KDM4B: variants seen among roughly 807,000 people sequenced by gnomAD.
The protein encoded by KDM4B is lysine-specific demethylase 4B.
A neutral mutation model predicts 125.2 loss-of-function variants in KDM4B; 32 were observed. The ratio of observed to expected loss-of-function variants is 0.26; its 90% CI spans 0.19 to 0.34. KDM4B has a LOEUF of 0.34. Among genes scored for constraint, KDM4B ranks in the 10% least tolerant of loss-of-function variants. KDM4B has a pLI of 1.00. For synonymous variants in KDM4B, 721 were observed against 677.9 expected, an observed-to-expected ratio of 1.06 and a Z score of -0.99; for missense variants, 1,190 against 1,577.7, an observed-to-expected ratio of 0.75 and a Z score of 4.16.
At chr19:4,986,133 G>A (rs2034822574) in intron 1 of KDM4B, among the ~76,000 whole-genome samples, 1 of 152,252 alleles carries the variant, frequency 6.6e-6, no homozygotes, top group African/African-American at 2.4e-5. Context: ...GTCCTGGTCT[G>A]ACCTGCCGTG....
chr19:4,973,174 T>G (rs1162289738), intron 1 of KDM4B, among the ~76,000 whole-genome samples: 5 of 152,234 alleles, frequency 3.3e-5, no homozygotes, highest in Non-Finnish European at 1.5e-5. Flanking sequence ...AACGTTAATG[T>G]GCTAGTTGCA....
At chr19:5,086,568 TG>T (rs1481861668) in intron 9 of KDM4B, among the ~76,000 whole-genome samples, 1 of 152,176 alleles carries the variant, frequency 6.6e-6, no homozygotes, top group Non-Finnish European at 1.5e-5. Context: ...GTGTGCTGCC[TG>T]GCCCTTGCAG....
intron 1 of KDM4B, among the ~76,000 whole-genome samples, chr19:5,010,552 G>A (rs987406705): frequency 1.4e-4 from 22 of 152,222 alleles, no homozygotes; most frequent in African/African-American, 5.3e-4. Context: ...TGTTGGACTG[G>A]TGATTTTATG....
intron 21 of KDM4B, among the ~76,000 whole-genome samples, chr19:5,147,046 G>A (rs927675844): frequency 2.0e-5 from 3 of 148,116 alleles, no homozygotes; most frequent in Admixed American, 6.8e-5. Context: ...AACACCCTCC[G>A]CCTGCCCCGG....
rs1398681917 is a variant in KDM4B at position 5,131,374 on chromosome 19, A to C, written c.1614A>C (p.Ala538=). ...ACGTGGTGCCGCGGCCGGGCAAGGC[A>C]GCCTTCAACCAGGAGCACGTGTCCT... ...MLYVVPRPGK[A]AFNQEHVSCQ... is the part of the protein sequence containing the mutation. Residue 538 remains alanine (A), a synonymous_variant, in exon 12 of 23, where the codon GCA becomes GCC. Coordinates refer to ENST00000159111, the MANE Select transcript of KDM4B (RefSeq NM_015015.3). 6.2e-7 allele frequency: 1 copy of C among 1,611,898 alleles called. No individual in the cohort carries two copies. The highest frequency in any genetic ancestry group is 8.5e-7 in the Non-Finnish European group (1 of 1,179,764).
At chr19:4,996,460 A>T (rs555233144) in intron 1 of KDM4B, among the ~76,000 whole-genome samples, 4 of 152,082 alleles carry the variant, frequency 2.6e-5, no homozygotes, top group African/African-American at 9.6e-5. Context: ...TTGCAGCCTC[A>T]GCCCCCTGGG....
intron 1 of KDM4B, among the ~76,000 whole-genome samples, chr19:4,969,697 T>C (rs534067393): frequency 8.2e-4 from 125 of 151,990 alleles, no homozygotes; most frequent in African/African-American, 2.9e-3. Flanking sequence ...CGCCTGCGTT[T>C]CTGGCCCTTT....
At chr19:4,993,918 A>AT (rs371701053) in intron 1 of KDM4B, among the ~76,000 whole-genome samples, 2 of 141,734 alleles carry the variant, frequency 1.4e-5, no homozygotes, top group South Asian at 2.2e-4. Flanking sequence ...CACCTGGCAC[A>AT]TTTTTTTTTA....
chr19:5,127,354 G>A lies in KDM4B; in HGVS notation c.1316-3722G>A, dbSNP rs571123730. Reference sequence around the variant, plus strand: ...AGGAATGGCTGCGGGGTGTGCCGCCGTCTTTCAGGGTGTCCTTCCTAGCCT... The same window carrying A: ...AGGAATGGCTGCGGGGTGTGCCGCCATCTTTCAGGGTGTCCTTCCTAGCCT... On this transcript the variant is annotated intron_variant, in intron 11 of 22. Transcript: ENST00000159111. 7.2e-5 allele frequency among the ~76,000 whole-genome samples: 11 copies of A among 152,334 alleles called. No homozygotes were observed. The East Asian group carries it at 1.7e-3, about 24-fold the overall frequency.
chr19:4,987,605 T>C (rs2034883926), intron 1 of KDM4B, among the ~76,000 whole-genome samples: 1 of 152,206 alleles, frequency 6.6e-6, no homozygotes, highest in Non-Finnish European at 1.5e-5. Flanking sequence ...ACCCTTTGGA[T>C]TTAGCGGTCT....
chr19:5,077,751 G>A lies in KDM4B; in HGVS notation c.780+281G>A. Reference sequence around the variant, plus strand: ...TGTGGCCATCAGAGGCCCCTCCGCAGGGGCTGCAGGGGTGGAAGGGCAGGG... The same window carrying A: ...TGTGGCCATCAGAGGCCCCTCCGCAAGGGCTGCAGGGGTGGAAGGGCAGGG... On this transcript the variant is annotated intron_variant, in intron 8 of 22. Coordinates refer to ENST00000159111, the MANE Select transcript of KDM4B (RefSeq NM_015015.3). 3 of 412,078 alleles carry A rather than the reference G, an allele frequency of 7.3e-6. No homozygotes were observed. In the South Asian group the frequency reaches 8.9e-5, roughly 12 times the overall value. 25.5% of individuals were successfully genotyped at this position (412,078 alleles called of 1,614,324 possible).
chr19:5,084,834 AC>A (rs2038436753), intron 9 of KDM4B, among the ~76,000 whole-genome samples: 1 of 151,072 alleles, frequency 6.6e-6, no homozygotes, highest in Non-Finnish European at 1.5e-5. Context: ...AATGAATTTC[AC>A]CTGTTTCATT....
intron 6 of KDM4B, among the ~76,000 whole-genome samples, chr19:5,064,913 G>A (rs2037719444): frequency 6.6e-6 from 1 of 152,228 alleles, no homozygotes; most frequent in Non-Finnish European, 1.5e-5. Context: ...TTTCTGCCTG[G>A]TCTGAGAGGC....
chr19:5,035,348 G>A lies in KDM4B; in HGVS notation c.141+2317G>A, dbSNP rs911364379. ...ATCCAAGGCGTCCTGATGTCAGGACGTTGAGGGGAATCAGCATCTCAGACC... is the reference window on the plus strand; with the variant it reads ...ATCCAAGGCGTCCTGATGTCAGGACATTGAGGGGAATCAGCATCTCAGACC... On this transcript the variant is annotated intron_variant, in intron 3 of 22. Coordinates refer to ENST00000159111, the MANE Select transcript of KDM4B (RefSeq NM_015015.3). This position sits in a 1 kb window ranked among gnomAD's most constrained non-coding sequence, Gnocchi z 5.3. 3.9e-5 allele frequency among the ~76,000 whole-genome samples: 6 copies of A among 151,964 alleles called. No individual in the cohort carries two copies. Among genetic ancestry groups the A allele is most frequent in the Admixed American group, 2.0e-4 (3 of 15,264 alleles).
intron 21 of KDM4B, among the ~76,000 whole-genome samples, chr19:5,145,977 C>A (rs577362454): frequency 6.6e-6 from 1 of 152,252 alleles, no homozygotes; most frequent in Admixed American, 6.5e-5. Context: ...CCGCATCTCC[C>A]GCCAGACCTG....
At chr19:5,103,441 G>A (rs1178663325) in intron 9 of KDM4B, among the ~76,000 whole-genome samples, 1 of 152,236 alleles carries the variant, frequency 6.6e-6, no homozygotes, top group African/African-American at 2.4e-5. Flanking sequence ...AGGTAGCAGC[G>A]GGTCCTCTGA....
chr19:5,003,196 A>G (rs138720343), intron 1 of KDM4B, among the ~76,000 whole-genome samples: 54 of 152,346 alleles, frequency 3.5e-4, no homozygotes, highest in African/African-American at 1.3e-3. Context: ...ATTGATTAAA[A>G]AAATCCCTGC....
At chr19:4,976,423 CTT>C (rs1599335790) in intron 1 of KDM4B, among the ~76,000 whole-genome samples, 1 of 152,254 alleles carries the variant, frequency 6.6e-6, no homozygotes, top group East Asian at 1.9e-4. Flanking sequence ...GCCAGACTCT[CTT>C]GCTCTGGGAT....
intron 2 of KDM4B, among the ~76,000 whole-genome samples, chr19:5,019,218 ATGTTGGTGTGGG>A (rs1366393813): frequency 3.1e-5 from 3 of 96,070 alleles, no homozygotes; most frequent in South Asian, 3.4e-4. Flanking sequence ...GCTGGTGTGG[ATGTTGGTGTGGG>A]TGTTGGTGTG....
Sources: allele counts gnomAD v4.1 joint callset (sites outside exome capture counted in the v4.1 genomes callset), GRCh38; gene constraint gnomAD v4.1.1; non-coding constraint Gnocchi (gnomAD v3.1); transcripts MANE v1.5; gene names NCBI Gene and HGNC (gene_info 2026-07-23, HGNC 2026-07-21).